Variants in KDM4C observed in about 807,000 individuals in gnomAD.
The protein encoded by KDM4C is lysine-specific demethylase 4C.
In KDM4C, 81 loss-of-function variants were observed where a neutral mutation model predicts 129.3. The observed-to-expected ratio is 0.63, with a 90% CI of 0.52 to 0.75. The LOEUF is 0.75. Among genes scored for constraint, KDM4C ranks in the 30% least tolerant of loss-of-function variants. The pLI is 0.00. For missense variants in KDM4C, 1,457 were observed against 1,304.0 expected (o/e 1.12, Z -1.81); for synonymous variants, 573 against 456.1 (o/e 1.26, Z -3.26).
chr9:7,061,358 C>T (rs143515655), intron 17 of KDM4C, among the ~76,000 whole-genome samples: 1,629 of 152,258 alleles, frequency 0.011, 22 homozygotes, highest in African/African-American at 0.037. Flanking sequence ...TCTTCTGTCC[C>T]GTTACAGTTT....
At chr9:7,047,135 T>C (rs957275666) in intron 16 of KDM4C, among the ~76,000 whole-genome samples, 2 of 151,996 alleles carry the variant, frequency 1.3e-5, no homozygotes, top group Non-Finnish European at 2.9e-5. Flanking sequence ...CTTCTTTGTA[T>C]TTGACACCAT....
chr9:6,884,767 T>G (rs1429077371), intron 6 of KDM4C, among the ~76,000 whole-genome samples: 1 of 152,230 alleles, frequency 6.6e-6, no homozygotes, highest in Non-Finnish European at 1.5e-5. Flanking sequence ...TAAACTCTTT[T>G]CTCAAGGCTG....
At chr9:6,886,763 A>C (rs530654111) in intron 6 of KDM4C, among the ~76,000 whole-genome samples, 1 of 152,172 alleles carries the variant, frequency 6.6e-6, no homozygotes, top group South Asian at 2.1e-4. Flanking sequence ...AAGTGTTGGG[A>C]TTACAGGCGT....
chr9:6,970,525 T>C (rs920495362), intron 8 of KDM4C, among the ~76,000 whole-genome samples: 8 of 152,228 alleles, frequency 5.3e-5, no homozygotes, highest in Non-Finnish European at 1.0e-4. Flanking sequence ...GTTAGTTTTC[T>C]TTCCAATATA....
chr9:7,126,822 T>C lies in KDM4C; in HGVS notation c.2611-1244T>C, dbSNP rs868090647. ...TGGTGCAAGATGATCCTGAAACATC[T>C]TATCAGACAAGATAGTAAAGAACTG... is the stretch of plus-strand genomic sequence containing the variant. On this transcript the variant is annotated intron_variant, in intron 18 of 21. Transcript: ENST00000381309. Among the ~76,000 whole-genome samples the C allele has an allele frequency of 1.4e-4, 21 of 151,604 alleles. 1 individual carries two copies. The highest frequency in any genetic ancestry group is 3.2e-3 in the Middle Eastern group (1 of 316).
chr9:6,908,944 C>T lies in KDM4C; in HGVS notation c.921+15712C>T, dbSNP rs145377983. Among the ~76,000 whole-genome samples the T allele has an allele frequency of 9.9e-5, 15 of 152,184 alleles. 1 individual carries two copies. Among genetic ancestry groups the T allele is most frequent in the African/African-American group, 3.1e-4 (13 of 41,532 alleles). ...CATGTAATAAACATTTTTCTTTCTA[C>T]GAGGTATTGATATTTATTAACCTCT... On this transcript the variant is annotated intron_variant, in intron 8 of 21. Coordinates refer to ENST00000381309, the MANE Select transcript of KDM4C (RefSeq NM_015061.6).
chr9:6,958,636 C>G (rs1265900898), intron 8 of KDM4C, among the ~76,000 whole-genome samples: 1 of 151,060 alleles, frequency 6.6e-6, no homozygotes, highest in Non-Finnish European at 1.5e-5. Context: ...ACTTTTTCCC[C>G]CTAGTAGTTT....
At chr9:6,996,407 C>G (rs775505257) in intron 12 of KDM4C, among the ~76,000 whole-genome samples, 21 of 152,180 alleles carry the variant, frequency 1.4e-4, no homozygotes, top group Admixed American at 2.6e-4. Flanking sequence ...CACATGTGTG[C>G]ATTTGTTTCC....
Position 6,739,237 on chromosome 9 carries a change from T to C in KDM4C, c.49+18240T>C, listed in dbSNP as rs573506750. 2.6e-5 allele frequency among the ~76,000 whole-genome samples: 4 copies of C among 151,982 alleles called. 1 individual carries two copies. In the South Asian group the frequency reaches 8.3e-4, roughly 32 times the overall value. On this transcript the variant is annotated intron_variant, in intron 1 of 17. Transcript: ENST00000536108. ...ACAGGCGCCCACATCCATGCCCAGC[T>C]AATTTTTGTATTTTTAGTAGATATG... is the stretch of plus-strand genomic sequence containing the variant.
At chr9:6,756,892 T>A (rs1352577744), upstream of KDM4C, among the ~76,000 whole-genome samples, 1 of 152,238 alleles carries the variant, frequency 6.6e-6, no homozygotes, top group African/African-American at 2.4e-5. Context: ...GATATATTTT[T>A]AAAATTCTGT....
At chr9:7,114,400 C>T (rs1264126416) in intron 18 of KDM4C, among the ~76,000 whole-genome samples, 6 of 152,090 alleles carry the variant, frequency 3.9e-5, no homozygotes, top group Non-Finnish European at 7.4e-5. Flanking sequence ...CAATTGATAA[C>T]ATTTTAAACT....
intron 1 of KDM4C, among the ~76,000 whole-genome samples, chr9:6,774,637 C>G (rs964749390): frequency 6.6e-4 from 101 of 152,192 alleles, no homozygotes; most frequent in Middle Eastern, 6.8e-3. Flanking sequence ...CGCACTCCAG[C>G]ATGGGTGACA....
At chr9:6,788,632 A>G (rs1383452646) in intron 1 of KDM4C, among the ~76,000 whole-genome samples, 1 of 152,222 alleles carries the variant, frequency 6.6e-6, no homozygotes, top group Non-Finnish European at 1.5e-5. Context: ...GCAAATAATT[A>G]TTGCAGCAGA....
intron 1 of KDM4C, among the ~76,000 whole-genome samples, chr9:6,790,248 C>T (rs530885133): frequency 6.6e-6 from 1 of 151,712 alleles, no homozygotes; most frequent in Admixed American, 6.6e-5. Flanking sequence ...ATCTGTAGCC[C>T]TGCTCTGTTT....
At chr9:6,944,921 A>T (rs1170770836) in intron 8 of KDM4C, among the ~76,000 whole-genome samples, 1 of 152,156 alleles carries the variant, frequency 6.6e-6, no homozygotes, top group African/African-American at 2.4e-5. Context: ...GAGTTACTCA[A>T]ATTAGCTGGA....
chr9:6,889,062 A>G (rs936435447), intron 7 of KDM4C, among the ~76,000 whole-genome samples: 1 of 31,350 alleles, frequency 3.2e-5, no homozygotes, highest in Non-Finnish European at 6.4e-5. Flanking sequence ...TGCTGGGATT[A>G]CAGGCGTGAG....
chr9:6,992,858 G>C (rs1819003466), intron 12 of KDM4C, among the ~76,000 whole-genome samples: 1 of 152,158 alleles, frequency 6.6e-6, no homozygotes, highest in African/African-American at 2.4e-5. Context: ...TCTTCTGTTG[G>C]TGAACGAGCA....
intron 4 of KDM4C, among the ~76,000 whole-genome samples, chr9:6,834,283 C>G (rs1448491459): frequency 6.6e-6 from 1 of 152,038 alleles, no homozygotes; most frequent in East Asian, 1.9e-4. Context: ...GCAATCTGCT[C>G]GCCTTGGCCT....
chr9:7,143,665 A>G (rs950443570), intron 19 of KDM4C, among the ~76,000 whole-genome samples: 5 of 152,310 alleles, frequency 3.3e-5, no homozygotes, highest in Admixed American at 1.3e-4. Flanking sequence ...ATTCTTCTTA[A>G]TTTCACATTA....
Sources: allele counts gnomAD v4.1 joint callset (sites outside exome capture counted in the v4.1 genomes callset), GRCh38; gene constraint gnomAD v4.1.1; transcripts MANE v1.5; gene names NCBI Gene and HGNC (gene_info 2026-07-23, HGNC 2026-07-21).